NRXN3: variants seen among roughly 807,000 people sequenced by gnomAD.
The protein encoded by NRXN3 is neurexin III.
A neutral mutation model predicts 137.6 loss-of-function variants in NRXN3; 32 were observed. The observed-to-expected ratio is 0.23, with a 90% confidence interval of 0.18 to 0.31. NRXN3 has a LOEUF of 0.31. Among genes scored for constraint, NRXN3 ranks in the 10% least tolerant of loss-of-function variants. NRXN3 has a pLI of 1.00. For missense variants in NRXN3, 1,574 were observed against 2,062.5 expected, an observed-to-expected ratio of 0.76 and a Z score of 4.59; for synonymous variants, 798 against 784.5, an observed-to-expected ratio of 1.02 and a Z score of -0.29.
At position 79,582,892 on chromosome 14, in the gene NRXN3, G is replaced by A. The variant is rs529252934; in HGVS notation, c.3445-80886G>A. Among the ~76,000 whole-genome samples the A allele has an allele frequency of 2.9e-4, 44 of 152,250 alleles. 1 individual carries two copies. Among genetic ancestry groups the A allele is most frequent in the Admixed American group, 2.6e-3 (40 of 15,294 alleles). ...TCCTGGAAACCTGAGAAATAAAACT[G>A]TTTTATTACTGGTACTTGCCTTTCT... On this transcript the variant is annotated intron_variant, in intron 16 of 20. Coordinates refer to ENST00000335750, the MANE Select transcript of NRXN3 (RefSeq NM_001330195.2).
At chr14:79,758,458 C>T (rs910778284) in intron 19 of NRXN3, among the ~76,000 whole-genome samples, 1 of 152,032 alleles carries the variant, frequency 6.6e-6, no homozygotes, top group Admixed American at 6.6e-5. Context: ...AATCAGATTT[C>T]ATGAAAATAA....
intron 4 of NRXN3, among the ~76,000 whole-genome samples, chr14:78,345,476 G>C (rs2082620694): frequency 6.6e-6 from 1 of 152,176 alleles, no homozygotes; most frequent in Non-Finnish European, 1.5e-5. Context: ...TTAATGATTT[G>C]TGTTAAGTGG....
At chr14:78,610,067 GAA>G (rs1380149281) in intron 4 of NRXN3, among the ~76,000 whole-genome samples, 1 of 151,922 alleles carries the variant, frequency 6.6e-6, no homozygotes, top group East Asian at 1.9e-4. Context: ...GAGAGAGAAA[GAA>G]AGTGACAAAT....
chr14:78,353,519 C>T (rs963813665), intron 4 of NRXN3, among the ~76,000 whole-genome samples: 2 of 152,088 alleles, frequency 1.3e-5, no homozygotes, highest in East Asian at 3.9e-4. Context: ...GTATTACTCT[C>T]GTGATCTAAC....
intron 4 of NRXN3, among the ~76,000 whole-genome samples, chr14:78,558,750 A>G (rs1018869591): frequency 3.3e-5 from 5 of 152,222 alleles, no homozygotes; most frequent in African/African-American, 9.6e-5. Context: ...TGTGTGGACT[A>G]AAGTAGAAGG....
chr14:78,582,744 A>G (rs1301775105), intron 4 of NRXN3, among the ~76,000 whole-genome samples: 1 of 152,206 alleles, frequency 6.6e-6, no homozygotes, highest in Non-Finnish European at 1.5e-5. Context: ...TATCCAGCCT[A>G]TGGTATTCCA....
chr14:78,887,992 C>G (rs1431853017), intron 10 of NRXN3, among the ~76,000 whole-genome samples: 1 of 152,078 alleles, frequency 6.6e-6, no homozygotes, highest in Admixed American at 6.6e-5. Context: ...TTTATTAAAT[C>G]ATCTGGGTAT....
chr14:79,504,637 T>TATATATATATATATA (rs2096855249), intron 16 of NRXN3, among the ~76,000 whole-genome samples: 4 of 61,530 alleles, frequency 6.5e-5, no homozygotes, highest in Admixed American at 1.6e-4. Flanking sequence ...TAAAATGAAG[T>TATATATATATATATA]TTTTTATATA....
chr14:79,704,116 ATTGGC>A (rs1404683070), intron 19 of NRXN3, among the ~76,000 whole-genome samples: 1 of 152,150 alleles, frequency 6.6e-6, no homozygotes, highest in East Asian at 1.9e-4. Context: ...TGGAGTGGGA[ATTGGC>A]TTTGCTGAAC....
At chr14:78,852,217 G>T (rs1338724516) in intron 10 of NRXN3, among the ~76,000 whole-genome samples, 2 of 152,102 alleles carry the variant, frequency 1.3e-5, no homozygotes, top group African/African-American at 2.4e-5. Context: ...ACAGCTCTTT[G>T]CTTACACATC....
intron 19 of NRXN3, among the ~76,000 whole-genome samples, chr14:79,712,571 T>C (rs1341782943): frequency 2.6e-5 from 4 of 152,186 alleles, no homozygotes; most frequent in Non-Finnish European, 5.9e-5. Flanking sequence ...TGACAAAACA[T>C]TATACTGTTA....
intron 15 of NRXN3, chr14:79,280,632 A>T (rs191621780): frequency 1.9e-4 from 219 of 1,166,912 alleles, no homozygotes; most frequent in African/African-American, 3.2e-4. Flanking sequence ...AAGGGAATTT[A>T]AAAAAAATGA....
At chr14:78,882,620 C>G (rs894196272) in intron 10 of NRXN3, among the ~76,000 whole-genome samples, 2 of 151,746 alleles carry the variant, frequency 1.3e-5, no homozygotes, top group African/African-American at 2.4e-5. Context: ...TATATTTACC[C>G]AATGCCTATA....
chr14:79,218,481 C>T (rs2153231044), intron 15 of NRXN3, among the ~76,000 whole-genome samples: 1 of 152,100 alleles, frequency 6.6e-6, no homozygotes, highest in Non-Finnish European at 1.5e-5. Context: ...TAGGAATGAA[C>T]AAGACAGCCA....
At chr14:79,584,111 G>T (rs530841473) in intron 16 of NRXN3, among the ~76,000 whole-genome samples, 1 of 152,218 alleles carries the variant, frequency 6.6e-6, no homozygotes, top group Admixed American at 6.5e-5. Flanking sequence ...TTTTCTCCTG[G>T]ACATTTTATG....
chr14:79,479,846 C>A lies in NRXN3; in HGVS notation c.3444+12444C>A, dbSNP rs28463649. On this transcript the variant is annotated intron_variant, in intron 16 of 20. Transcript: ENST00000335750. Reference sequence around the variant, plus strand: ...CTAATCTGAGGTTTTGAATGCAGTGCGGTAGAATAAGTGTTTTAGAGGTAA... The same window carrying A: ...CTAATCTGAGGTTTTGAATGCAGTGAGGTAGAATAAGTGTTTTAGAGGTAA... 2.7e-3 allele frequency among the ~76,000 whole-genome samples: 418 copies of A among 152,066 alleles called. 4 individuals carry two copies. The highest frequency in any genetic ancestry group is 9.8e-3 in the African/African-American group (407 of 41,474).
intron 16 of NRXN3, chr14:79,611,706 C>A (rs1428858685): frequency 6.6e-6 from 1 of 152,194 alleles, no homozygotes; most frequent in East Asian, 1.9e-4. Flanking sequence ...TGAATAAATT[C>A]CTTATCTTTC....
rs148300911 is a variant in NRXN3, at chr14:79,534,297, GT to G, written c.3444+66900del. Reference sequence around the variant, plus strand: ...GACATGATATGGTACAAAATATGGTGTTTTTGTATAAAGAGCTATCTCTTGT... The same window carrying G: ...GACATGATATGGTACAAAATATGGTGTTTTGTATAAAGAGCTATCTCTTGT... On this transcript the variant is annotated intron_variant, in intron 16 of 20. Coordinates refer to ENST00000335750, the MANE Select transcript of NRXN3 (RefSeq NM_001330195.2). 6.3e-3 allele frequency among the ~76,000 whole-genome samples: 965 copies of G among 152,274 alleles called. 11 individuals are homozygous for G. The highest frequency in any genetic ancestry group is 0.041 in the Middle Eastern group (12 of 294).
chr14:78,835,018 C>G (rs2098992506), intron 10 of NRXN3, among the ~76,000 whole-genome samples: 2 of 151,976 alleles, frequency 1.3e-5, no homozygotes, highest in Non-Finnish European at 2.9e-5. Context: ...GACATCCTAG[C>G]CTTAATCACC....
Sources: gnomAD v4.1 joint callset for allele counts (sites outside exome capture counted in the v4.1 genomes callset) on GRCh38, gnomAD v4.1.1 for gene constraint, MANE v1.5 for transcripts, NCBI Gene and HGNC (gene_info 2026-07-23, HGNC 2026-07-21) for gene names.